The following DCC variants were observed in gnomAD, a reference collection of about 807,000 sequenced individuals.
The protein encoded by DCC is DCC netrin 1 receptor, also known as netrin receptor DCC.
In DCC, 58 loss-of-function variants were observed where a neutral mutation model predicts 172.5. The ratio of observed to expected loss-of-function variants is 0.34; its 90% CI spans 0.27 to 0.42. The LOEUF (loss-of-function observed/expected upper bound fraction) is 0.42. Among genes scored for constraint, DCC ranks in the 10% least tolerant of loss-of-function variants. The probability of loss-of-function intolerance (pLI) is 1.00; values close to 1 mark genes in which losing one functional copy is unlikely to be tolerated. For synonymous variants in DCC, 709 were observed against 644.5 expected (o/e 1.10, Z -1.52); for missense variants, 1,740 against 1,791.0 (o/e 0.97, Z 0.51).
chr18:52,680,261 G>A (rs764784942), intron 1 of DCC, among the ~76,000 whole-genome samples: 7 of 152,086 alleles, frequency 4.6e-5, no homozygotes, highest in Non-Finnish European at 1.0e-4. Flanking sequence ...TGGGAGCACA[G>A]AGGAGGAAGC....
intron 7 of DCC, among the ~76,000 whole-genome samples, chr18:53,084,165 G>GT (rs2042845892): frequency 6.6e-6 from 1 of 152,186 alleles, no homozygotes; most frequent in Non-Finnish European, 1.5e-5. Context: ...TCTTTACAGA[G>GT]TCCCGAGGTG....
chr18:52,962,668 C>A (rs560478499), intron 5 of DCC, among the ~76,000 whole-genome samples: 2,434 of 151,282 alleles, frequency 0.016, 50 homozygotes, highest in African/African-American at 0.042. Flanking sequence ...ATGTTTATTG[C>A]GGCACTATTC....
chr18:53,366,103 C>T (rs960635071), intron 15 of DCC, among the ~76,000 whole-genome samples: 1 of 151,926 alleles, frequency 6.6e-6, no homozygotes, highest in Non-Finnish European at 1.5e-5. Context: ...ACTGCCCAGG[C>T]TGGAGTGCAG....
intron 1 of DCC, among the ~76,000 whole-genome samples, chr18:52,506,399 A>C (rs1395738677): frequency 6.6e-6 from 1 of 152,102 alleles, no homozygotes; most frequent in Non-Finnish European, 1.5e-5. Flanking sequence ...TTATGATATA[A>C]TAGGGTTTAG....
chr18:53,407,930 T>G (rs1239350700), intron 19 of DCC, among the ~76,000 whole-genome samples: 1 of 152,188 alleles, frequency 6.6e-6, no homozygotes, highest in African/African-American at 2.4e-5. Context: ...CCCTTTTGAA[T>G]TTTAGAACTC....
At chr18:52,917,873 C>T (rs927340183) in intron 3 of DCC, among the ~76,000 whole-genome samples, 2 of 152,066 alleles carry the variant, frequency 1.3e-5, no homozygotes, top group Non-Finnish European at 2.9e-5. Context: ...TGCTTTTAAT[C>T]GATTTAGAAA....
intron 21 of DCC, among the ~76,000 whole-genome samples, chr18:53,433,357 A>C (rs1327930101): frequency 6.6e-6 from 1 of 152,156 alleles, no homozygotes; most frequent in Non-Finnish European, 1.5e-5. Flanking sequence ...GGAGAGTTGG[A>C]AACTTCATTA....
intron 2 of DCC, among the ~76,000 whole-genome samples, chr18:52,861,155 A>G (rs1054189746): frequency 3.9e-5 from 6 of 152,306 alleles, no homozygotes; most frequent in Admixed American, 6.5e-5. Context: ...ACATGAATTG[A>G]GTGAATTTCT....
Position 52,755,174 on chromosome 18 carries a change from C to T in DCC, c.412+2800C>T, listed in dbSNP as rs141206615. Among the ~76,000 whole-genome samples, 392 of 152,248 alleles carry T rather than the reference C, an allele frequency of 2.6e-3. 2 individuals carry two copies. The highest frequency in any genetic ancestry group is 0.014 in the Middle Eastern group (4 of 294). ...CTAGAGAATTTCTGGCCTCATAGAT[C>T]CCACCCATCAGTTGTCCACAAGGCC... On this transcript the variant is annotated intron_variant, in intron 2 of 28. Transcript: ENST00000442544.
chr18:52,861,049 C>G (rs1252162794), intron 2 of DCC, among the ~76,000 whole-genome samples: 1 of 150,738 alleles, frequency 6.6e-6, no homozygotes, highest in Non-Finnish European at 1.5e-5. Context: ...TTCACTGTGA[C>G]TTTTTCATAA....
chr18:52,939,820 G>T (rs1051923050), intron 5 of DCC, among the ~76,000 whole-genome samples: 1 of 152,100 alleles, frequency 6.6e-6, no homozygotes, highest in African/African-American at 2.4e-5. Context: ...AGAATAGGGG[G>T]CCCTTGGGTG....
chr18:53,517,328 T>C (rs1416503014), intron 27 of DCC, among the ~76,000 whole-genome samples: 2 of 151,860 alleles, frequency 1.3e-5, no homozygotes, highest in Non-Finnish European at 2.9e-5. Context: ...GGAATAGCAT[T>C]GGGAGATATA....
At chr18:52,622,494 G>A (rs1224483715) in intron 1 of DCC, among the ~76,000 whole-genome samples, 2 of 152,176 alleles carry the variant, frequency 1.3e-5, no homozygotes, top group Non-Finnish European at 2.9e-5. Context: ...CAACTATGAG[G>A]ACAACTATTC....
intron 1 of DCC, among the ~76,000 whole-genome samples, chr18:52,521,313 C>T (rs533120685): frequency 9.8e-5 from 15 of 152,292 alleles, no homozygotes; most frequent in Admixed American, 3.3e-4. Flanking sequence ...AAACTCCCAT[C>T]ATGTTCACTG....
chr18:53,437,366 G>A (rs1047023651), intron 22 of DCC, among the ~76,000 whole-genome samples: 5 of 151,972 alleles, frequency 3.3e-5, no homozygotes, highest in Non-Finnish European at 5.9e-5. Context: ...AGATCACGAG[G>A]TCAGGAAATC....
At chr18:52,848,478 G>A (rs2038929523) in intron 2 of DCC, among the ~76,000 whole-genome samples, 1 of 152,064 alleles carries the variant, frequency 6.6e-6, no homozygotes, top group Non-Finnish European at 1.5e-5. Flanking sequence ...CACACATTTT[G>A]GTGGTTTAAA....
intron 5 of DCC, among the ~76,000 whole-genome samples, chr18:52,969,855 C>T (rs1291445386): frequency 6.6e-6 from 1 of 152,038 alleles, no homozygotes; most frequent in Non-Finnish European, 1.5e-5. Flanking sequence ...TTCATTGTTT[C>T]TTGCCTTGTG....
intron 1 of DCC, among the ~76,000 whole-genome samples, chr18:52,642,324 A>G (rs2034923811): frequency 6.6e-6 from 1 of 151,576 alleles, no homozygotes; most frequent in Admixed American, 6.6e-5. Context: ...ATTCGGGGGA[A>G]GAGTGGGAGG....
chr18:53,383,796 T>C (rs1907942567), intron 15 of DCC, among the ~76,000 whole-genome samples: 1 of 151,580 alleles, frequency 6.6e-6, no homozygotes, highest in South Asian at 2.1e-4. Flanking sequence ...CTGTATTACA[T>C]CTCTAGGTCT....
Sources: allele counts gnomAD v4.1 joint callset (sites outside exome capture counted in the v4.1 genomes callset), GRCh38; gene constraint gnomAD v4.1.1; transcripts MANE v1.5; gene names NCBI Gene and HGNC (gene_info 2026-07-23, HGNC 2026-07-21).